Variants in RRM2 observed in about 807,000 individuals in gnomAD.
The protein encoded by RRM2 is ribonucleotide reductase regulatory subunit M2.
A neutral mutation model predicts 45.9 loss-of-function variants in RRM2; 6 were observed. The observed-to-expected ratio is 0.13, with a 90% CI of 0.07 to 0.26. The LOEUF (loss-of-function observed/expected upper bound fraction) is 0.26, where lower values mean the gene tolerates loss of function less well. Among genes scored for constraint, RRM2 ranks in the 10% least tolerant of loss-of-function variants. The pLI is 1.00. For synonymous variants in RRM2, 177 were observed against 173.0 expected, an observed-to-expected ratio of 1.02 and a Z score of -0.18; for missense variants, 343 against 489.5, an observed-to-expected ratio of 0.70 and a Z score of 2.82.
intron 3 of RRM2, 75 bp downstream of exon 3, chr2:10,123,605 C>T (rs1662717183): frequency 6.4e-7 from 1 of 1,553,120 alleles, no homozygotes; most frequent in African/African-American, 1.4e-5. Context: ...TGGAGGTTCC[C>T]GTTGGCAAGG....
intron 3 of RRM2, among the ~76,000 whole-genome samples, chr2:10,151,416 GC>G (rs771060879): frequency 2.7e-4 from 41 of 151,562 alleles, no homozygotes; most frequent in Non-Finnish European, 5.2e-4. Context: ...TCCTGCTTCA[GC>G]CTCCCAAGTA....
Position 10,127,393 on chromosome 2 carries a change from T to G in RRM2, c.798+173T>G, listed in dbSNP as rs1171673937. 1.6e-6 allele frequency: 1 copy of G among 644,152 alleles called. No individual in the cohort carries two copies. The highest frequency in any genetic ancestry group is 1.8e-5 in the African/African-American group (1 of 54,762). The allele number at this position is 644,152 out of a possible 1,614,324, so 39.9% of individuals were successfully genotyped here. A position where few individuals can be genotyped will look rare whatever the true frequency, so the allele number is the denominator to read the frequency against. On this transcript the variant is annotated intron_variant, in intron 7 of 9. Coordinates refer to ENST00000304567, the MANE Select transcript of RRM2 (RefSeq NM_001034.4). This position sits in a 1 kb window ranked among gnomAD's most constrained non-coding sequence, Gnocchi z 4.1. ...AGGAAATACTTTCATTTACTGAAAC[T>G]GTTTTACTTGCATTCTCAATATATT...
intron 3 of RRM2, among the ~76,000 whole-genome samples, chr2:10,180,080 C>T (rs1454879083): frequency 6.6e-6 from 1 of 152,190 alleles, no homozygotes; most frequent in Non-Finnish European, 1.5e-5. Flanking sequence ...TCCCACGGCT[C>T]CCTTCCCCCA....
At chr2:10,179,345 T>C (rs1407221857) in intron 3 of RRM2, among the ~76,000 whole-genome samples, 1 of 151,938 alleles carries the variant, frequency 6.6e-6, no homozygotes, top group Non-Finnish European at 1.5e-5. Context: ...AGAGACAGGG[T>C]TTCACCACGT....
At chr2:10,135,987 G>A (rs1476651152), downstream of RRM2, among the ~76,000 whole-genome samples, 1 of 151,934 alleles carries the variant, frequency 6.6e-6, no homozygotes, top group African/African-American at 2.4e-5. Context: ...TTGTCCTCTG[G>A]CCCTACACAC....
chr2:10,142,112 G>A (rs1461306277), intron 2 of RRM2: 28 of 1,577,082 alleles, frequency 1.8e-5, no homozygotes, highest in African/African-American at 2.7e-5. Flanking sequence ...GCGGAGGGTG[G>A]GCAAGCGCAA....
rs545079886 is a variant in RRM2 at position 10,141,913 on chromosome 2, G to A, written n.320G>A. ...GTCCAGGCCCTCGGGGAGACAGCAC[G>A]CCAGTGAGGGAGATGGAGACCAATC... On this transcript the variant is annotated non_coding_transcript_exon_variant, in exon 2 of 4. Transcript: ENST00000381786. The A allele has an allele frequency of 1.7e-4, 261 of 1,577,720 alleles. 2 individuals are homozygous for A. In the Admixed American group the frequency reaches 3.9e-3, roughly 24 times the overall value.
chr2:10,155,095 G>T (rs1663397806), intron 3 of RRM2: 1 of 243,960 alleles, frequency 4.1e-6, no homozygotes, highest in South Asian at 4.7e-5. Context: ...AACTGAATTG[G>T]CCACTGACAC....
exon 4 of RRM2, chr2:10,210,894 C>T: frequency 3.7e-6 from 1 of 268,896 alleles, no homozygotes; most frequent in Non-Finnish European, 7.4e-6. Flanking sequence ...CAGAGGGCAG[C>T]CATCTACAAG....
In RRM2 at chr2:10,129,752, AT is replaced by A. The variant is rs1317465871; in HGVS notation, c.*367del. The A allele has an allele frequency of 5.4e-6, 1 of 186,318 alleles. No individual in the cohort carries two copies. Among genetic ancestry groups the A allele is most frequent in the Non-Finnish European group, 1.1e-5 (1 of 90,628 alleles). The allele number at this position is 186,318 out of a possible 1,614,324, so 11.5% of individuals were successfully genotyped here. A position where few individuals can be genotyped will look rare whatever the true frequency, so the allele number is the denominator to read the frequency against. The stretch of plus-strand genomic sequence containing the variant: ...AACGCAGATTTTAATGTTTACTTAA[AT>A]ATAAACCTGGCACTTTACAAACAAA... On this transcript the variant is annotated 3_prime_UTR_variant, in exon 10 of 10. Coordinates refer to ENST00000304567, the MANE Select transcript of RRM2 (RefSeq NM_001034.4). The surrounding 1 kb of genome is among the most constrained non-coding windows in gnomAD (Gnocchi z 4.8).
intron 3 of RRM2, among the ~76,000 whole-genome samples, chr2:10,209,321 G>A (rs1397281937): frequency 1.3e-5 from 2 of 152,050 alleles, no homozygotes; most frequent in Non-Finnish European, 2.9e-5. Flanking sequence ...GCCTCCCAAA[G>A]TGCTGGGATT....
At chr2:10,184,464 GA>G (rs1354322941) in intron 3 of RRM2, among the ~76,000 whole-genome samples, 1 of 152,262 alleles carries the variant, frequency 6.6e-6, no homozygotes. Context: ...CAAAAGCAAT[GA>G]AAGTCTCACG....
upstream of RRM2, among the ~76,000 whole-genome samples, chr2:10,137,269 G>A (rs987126782): frequency 8.5e-5 from 13 of 152,288 alleles, no homozygotes; most frequent in African/African-American, 3.1e-4. Context: ...GTCTACATTC[G>A]TCCCCTCACT....
At chr2:10,141,045 G>C (rs75621609), upstream of RRM2, among the ~76,000 whole-genome samples, 12,450 of 152,224 alleles carry the variant, frequency 0.082, 690 homozygotes, top group Non-Finnish European at 0.13. Flanking sequence ...CCACGTCGCT[G>C]TCATGTGCGG....
At chr2:10,190,276 TGGTGGA>T (rs1664264271) in intron 3 of RRM2, among the ~76,000 whole-genome samples, 1 of 146,396 alleles carries the variant, frequency 6.8e-6, no homozygotes, top group African/African-American at 2.6e-5. Context: ...GTGGTGGTGG[TGGTGGA>T]GGTGATGGTG....
intron 3 of RRM2, among the ~76,000 whole-genome samples, chr2:10,178,343 C>T (rs1377024751): frequency 6.6e-6 from 1 of 151,956 alleles, no homozygotes; most frequent in Non-Finnish European, 1.5e-5. Context: ...CCGCCTCAGC[C>T]TCCCAAGTAG....
At chr2:10,123,553 C>A (rs1303690216) in intron 3 of RRM2, 23 bp downstream of exon 3, 1 of 1,602,648 alleles carries the variant, frequency 6.2e-7, no homozygotes, top group East Asian at 2.2e-5. Context: ...CCCCAGAAGA[C>A]CCCTGCAGGG....
chr2:10,128,917 A>G lies in RRM2; in HGVS notation c.868A>G (p.Arg290Gly). ...LVHKPSEERV[R>G]EIIINAVRIE... The stretch of plus-strand genomic sequence containing the variant: ...ACACAAACCATCGGAGGAGAGAGTA[A>G]GAGAAATAATTATCAATGCTGTTCG... The change falls in exon 8 of 10, where the codon AGA becomes GGA. Residue 290 changes from arginine (R) to glycine (G), a missense_variant. Transcript: ENST00000304567. The G allele has an allele frequency of 1.2e-6, 2 of 1,614,178 alleles. No homozygotes were observed. The highest frequency in any genetic ancestry group is 1.7e-6 in the Non-Finnish European group (2 of 1,180,006).
chr2:10,142,768 A>G lies in RRM2; in HGVS notation n.482+393A>G, dbSNP rs531873446. 4.1e-3 allele frequency among the ~76,000 whole-genome samples: 627 copies of G among 152,204 alleles called. 4 individuals are homozygous for G. The highest frequency in any genetic ancestry group is 0.014 in the African/African-American group (592 of 41,532). ...TCAGACGATGTGGCTGTGTTGCATG[A>G]GCCCCTCCCCTCACCGCAGCTCTCG... On this transcript the variant is annotated intron_variant and non_coding_transcript_variant, in intron 3 of 3. Transcript: ENST00000381786.
Sources: gnomAD v4.1 joint callset for allele counts (sites outside exome capture counted in the v4.1 genomes callset) on GRCh38, gnomAD v4.1.1 for gene constraint, Gnocchi (gnomAD v3.1) non-coding constraint, MANE v1.5 for transcripts, NCBI Gene and HGNC (gene_info 2026-07-23, HGNC 2026-07-21) for gene names.